Variants in MBD5 observed in about 807,000 individuals in gnomAD.
MBD5 encodes the protein methyl-CpG-binding domain protein 5.
Under a neutral mutation model 117.3 loss-of-function variants are expected in MBD5, and 13 were observed. That is an observed-to-expected ratio of 0.11 (90% confidence interval 0.07 to 0.18). The LOEUF (loss-of-function observed/expected upper bound fraction) is 0.18. MBD5 is among the 10% of genes least tolerant of loss of function. The pLI is 1.00. For synonymous variants in MBD5, 727 were observed against 766.4 expected (o/e 0.95, Z 0.85); for missense variants, 1,879 against 2,093.8 (o/e 0.90, Z 2.00).
intron 1 of MBD5, among the ~76,000 whole-genome samples, chr2:148,128,081 G>GT (rs993159750): frequency 2.6e-5 from 4 of 152,006 alleles, no homozygotes; most frequent in Admixed American, 6.6e-5. Context: ...TAATGGGGTT[G>GT]TTTTTTTCTT....
intron 3 of MBD5, among the ~76,000 whole-genome samples, chr2:148,336,084 T>C (rs994259934): frequency 6.6e-6 from 1 of 152,166 alleles, no homozygotes; most frequent in Non-Finnish European, 1.5e-5. Flanking sequence ...AAGGTCACTA[T>C]CAGAAATTGC....
chr2:148,321,526 A>G (rs1046113191), intron 3 of MBD5, among the ~76,000 whole-genome samples: 4 of 152,170 alleles, frequency 2.6e-5, no homozygotes, highest in Non-Finnish European at 5.9e-5. Flanking sequence ...GGTGTGGGAA[A>G]GCAGACCCAC....
At chr2:148,209,543 T>G (rs1699370384) in intron 2 of MBD5, among the ~76,000 whole-genome samples, 1 of 151,796 alleles carries the variant, frequency 6.6e-6, no homozygotes, top group African/African-American at 2.4e-5. Context: ...TTTTAATAAA[T>G]TACCCAGTGT....
intron 3 of MBD5, among the ~76,000 whole-genome samples, chr2:148,326,720 C>A (rs1372391042): frequency 2.6e-5 from 4 of 151,886 alleles, no homozygotes; most frequent in Non-Finnish European, 5.9e-5. Flanking sequence ...TATTTTGAGC[C>A]TATGTGTGTC....
chr2:148,099,079 G>C (rs1696140306), intron 1 of MBD5, among the ~76,000 whole-genome samples: 1 of 151,822 alleles, frequency 6.6e-6, no homozygotes, highest in African/African-American at 2.4e-5. Flanking sequence ...ATAAGACAAA[G>C]ATAATACAAA....
At chr2:148,086,442 T>C (rs920561919) in intron 1 of MBD5, among the ~76,000 whole-genome samples, 7 of 152,186 alleles carry the variant, frequency 4.6e-5, no homozygotes, top group African/African-American at 1.4e-4. Context: ...ATGGTGATAT[T>C]ATGTTTATTT....
chr2:148,318,913 A>T (rs533268872), intron 3 of MBD5, among the ~76,000 whole-genome samples: 13 of 152,182 alleles, frequency 8.5e-5, no homozygotes, highest in South Asian at 8.3e-4. Context: ...ACAGGGTTTC[A>T]CTGTGTTGGC....
In MBD5 at chr2:148,468,848, C is replaced by T. The variant is rs763712002; in HGVS notation, c.905C>T (p.Thr302Ile). ...AGRTNIPLSP[T>I]LTTKSPVMKK... ...AGGACTAATATACCTCTTTCCCCAA[C>T]CTTGACTACAAAGAGTCCAGTAATG... Residue 302 changes from threonine (T) to isoleucine (I), a missense_variant, in exon 8 of 14, where the codon ACC becomes ATC. This residue lies in a region of MBD5 where 1,666 missense variants were observed against 1,792.2 expected (regional missense o/e 0.93). Transcript: ENST00000642680. 4.3e-6 allele frequency: 7 copies of T among 1,613,866 alleles called. No individual in the cohort carries two copies. The Admixed American group carries it at 6.7e-5, about 15-fold the overall frequency.
chr2:148,322,935 G>C (rs1057372167), intron 3 of MBD5, among the ~76,000 whole-genome samples: 1 of 150,370 alleles, frequency 6.7e-6, no homozygotes, highest in Non-Finnish European at 1.5e-5. Flanking sequence ...ATGCTGGTGC[G>C]CTGCACCCAC....
intron 4 of MBD5, among the ~76,000 whole-genome samples, chr2:148,418,258 T>C (rs113493191): frequency 1.7e-3 from 252 of 152,352 alleles, no homozygotes; most frequent in South Asian, 7.5e-3. Context: ...TTTACTCTGA[T>C]GATTATTTCT....
chr2:148,280,821 T>C (rs953862850), intron 3 of MBD5, among the ~76,000 whole-genome samples: 2 of 152,332 alleles, frequency 1.3e-5, no homozygotes, highest in Admixed American at 6.5e-5. Flanking sequence ...TATCTTTATT[T>C]TGGCCTCTCT....
At chr2:148,046,860 T>C (rs1224730824) in intron 1 of MBD5, among the ~76,000 whole-genome samples, 1 of 152,234 alleles carries the variant, frequency 6.6e-6, no homozygotes, top group Non-Finnish European at 1.5e-5. Context: ...TGTTCCTTTT[T>C]ATTGGTTTAT....
At chr2:148,371,265 T>C (rs187805518) in intron 4 of MBD5, among the ~76,000 whole-genome samples, 38 of 152,286 alleles carry the variant, frequency 2.5e-4, no homozygotes, top group African/African-American at 9.1e-4. Context: ...TGTGTCATCA[T>C]GTAAATGATT....
rs141762317 is a variant in MBD5 at position 148,181,524 on chromosome 2, C to A, written c.-831+2731C>A. Among the ~76,000 whole-genome samples, 368 of 152,302 alleles carry A rather than the reference C, an allele frequency of 2.4e-3. 3 individuals are homozygous for A. The highest frequency in any genetic ancestry group is 8.2e-3 in the African/African-American group (342 of 41,568). On this transcript the variant is annotated intron_variant, in intron 2 of 13. Transcript: ENST00000642680. ...CATGCCAGCCCTTAACGTTTTCCAG[C>A]TTACTCATGTTTTCAGTCTAATGTG...
rs1706674122 is a variant in MBD5, at chr2:148,449,881, G to A, written c.-556-8322G>A. On this transcript the variant is annotated intron_variant, in intron 4 of 13. Transcript: ENST00000642680. ...GAAGATAGTATTTTCCGTGATTATA[G>A]AGCTAATATATGTTTATTATAGAAA... Among the ~76,000 whole-genome samples the A allele has an allele frequency of 2.6e-5, 4 of 151,880 alleles. No homozygotes were observed. The South Asian group carries it at 8.3e-4, about 31-fold the overall frequency.
chr2:148,354,044 T>C (rs1703311092), intron 4 of MBD5, among the ~76,000 whole-genome samples: 1 of 152,146 alleles, frequency 6.6e-6, no homozygotes, highest in Non-Finnish European at 1.5e-5. Context: ...GATTTCATTA[T>C]CAGGTCTTTC....
intron 3 of MBD5, chr2:148,330,626 T>A (rs919298408): frequency 3.9e-5 from 6 of 152,160 alleles, no homozygotes; most frequent in Non-Finnish European, 7.4e-5. Flanking sequence ...CTAGTCTATG[T>A]TTTGTAGTTA....
chr2:148,441,684 G>A (rs35180858), intron 4 of MBD5, among the ~76,000 whole-genome samples: 39,144 of 151,540 alleles, frequency 0.26, 6,038 homozygotes, highest in African/African-American at 0.43. Flanking sequence ...TCGCCACACC[G>A]ACTTCCACAA....
At chr2:148,266,371 T>C (rs376825150) in intron 3 of MBD5, among the ~76,000 whole-genome samples, 7 of 151,966 alleles carry the variant, frequency 4.6e-5, no homozygotes, top group African/African-American at 1.7e-4. Context: ...TCTTGGCACA[T>C]TAGGAATAGG....
Sources: gnomAD v4.1 joint callset for allele counts (sites outside exome capture counted in the v4.1 genomes callset) on GRCh38, gnomAD v4.1.1 for gene constraint, gnomAD v4.1.1 regional missense constraint, MANE v1.5 for transcripts, NCBI Gene and HGNC (gene_info 2026-07-23, HGNC 2026-07-21) for gene names.